Variants in MED27 observed in about 807,000 individuals in gnomAD.
MED27 encodes the protein mediator of RNA polymerase II transcription subunit 27.
MED27 carries 30 observed loss-of-function variants against 38.2 expected under a neutral mutation model. The ratio of observed to expected loss-of-function variants is 0.79; its 90% CI spans 0.59 to 1.07. MED27 has a LOEUF of 1.07. MED27 is among the 50% of genes least tolerant of loss of function. MED27 has a pLI of 0.00. For synonymous variants in MED27, 122 were observed against 153.5 expected (o/e 0.79, Z 1.52); for missense variants, 289 against 397.5 (o/e 0.73, Z 2.32).
chr9:131,968,791 G>C (rs1378629243), intron 3 of MED27, among the ~76,000 whole-genome samples: 1 of 152,198 alleles, frequency 6.6e-6, no homozygotes, highest in Admixed American at 6.5e-5. Flanking sequence ...AGCAGGAGGT[G>C]AGTGGTGGGC....
intron 3 of MED27, among the ~76,000 whole-genome samples, chr9:131,943,479 C>T (rs1161773274): frequency 2.0e-5 from 3 of 152,120 alleles, no homozygotes; most frequent in African/African-American, 4.8e-5. Flanking sequence ...CTCTGCAGTG[C>T]GGCGCCCCAC....
intron 4 of MED27, among the ~76,000 whole-genome samples, chr9:131,908,259 G>C (rs1222569386): frequency 3.4e-5 from 5 of 147,136 alleles, no homozygotes; most frequent in Non-Finnish European, 7.6e-5. Flanking sequence ...AGGTGGGGGG[G>C]TCAGCCCCCC....
intron 2 of MED27, among the ~76,000 whole-genome samples, chr9:132,019,094 G>C (rs374302704): frequency 8.5e-5 from 13 of 152,256 alleles, no homozygotes; most frequent in African/African-American, 2.9e-4. Flanking sequence ...CCTTCTCCAA[G>C]CACAAAGCTC....
chr9:131,907,193 C>G, intron 4 of MED27, among the ~76,000 whole-genome samples: 1 of 152,052 alleles, frequency 6.6e-6, no homozygotes, highest in East Asian at 1.9e-4. Flanking sequence ...GAATGCCTAA[C>G]GTGCTCTCCC....
chr9:132,060,862 T>A (rs563682206), intron 2 of MED27, among the ~76,000 whole-genome samples: 24 of 152,184 alleles, frequency 1.6e-4, no homozygotes, highest in African/African-American at 5.5e-4. Flanking sequence ...GGCAGGAGAA[T>A]CACTTGAACC....
At chr9:131,894,044 G>T in intron 4 of MED27, 52 bp from the exon 5 acceptor site, 1 of 1,454,292 alleles carries the variant, frequency 6.9e-7, no homozygotes, top group South Asian at 1.1e-5. Context: ...ACACAAAGTT[G>T]GGCAGGGGTG....
chr9:131,902,428 G>A (rs1479839000), intron 4 of MED27, among the ~76,000 whole-genome samples: 1 of 152,136 alleles, frequency 6.6e-6, no homozygotes, highest in Non-Finnish European at 1.5e-5. Context: ...CTGAAAGGCT[G>A]AAACTCTGGC....
chr9:131,971,812 T>G (rs1434057495), intron 3 of MED27, among the ~76,000 whole-genome samples: 1 of 152,236 alleles, frequency 6.6e-6, no homozygotes, highest in Non-Finnish European at 1.5e-5. Context: ...AGGAAAACTT[T>G]GCAGTTTTCT....
chr9:132,027,646 C>T (rs116205280), intron 2 of MED27, among the ~76,000 whole-genome samples: 2,377 of 152,270 alleles, frequency 0.016, 66 homozygotes, highest in African/African-American at 0.054. Context: ...TCGATGTAGG[C>T]GCCAAAACTC....
intron 2 of MED27, among the ~76,000 whole-genome samples, chr9:132,045,472 T>C (rs1458247499): frequency 6.7e-6 from 1 of 150,102 alleles, no homozygotes; most frequent in African/African-American, 2.5e-5. Context: ...ACCTTTTACA[T>C]GCATAATAAA....
chr9:131,986,918 C>T (rs1325102751), intron 3 of MED27, among the ~76,000 whole-genome samples: 6 of 145,770 alleles, frequency 4.1e-5, no homozygotes, highest in Non-Finnish European at 8.9e-5. Context: ...GAACTGACTT[C>T]GTTGATCCCT....
chr9:132,026,870 C>G (rs188922564), intron 2 of MED27, among the ~76,000 whole-genome samples: 80 of 152,226 alleles, frequency 5.3e-4, no homozygotes, highest in African/African-American at 1.8e-3. Context: ...GTACAACCAC[C>G]CTGTGAGGTA....
At position 132,003,125 on chromosome 9, in the gene MED27, G is replaced by A. The variant is rs905895974; in HGVS notation, c.479+11212C>T. On this transcript the variant is annotated intron_variant, in intron 3 of 7. Transcript: ENST00000292035. This position sits in a 1 kb window ranked among gnomAD's most constrained non-coding sequence, Gnocchi z 4.2. ...AAAATGGATCCAGCTTCTATGTGAT[G>A]AGCTGTACTACACAACCACCCATTT... Among the ~76,000 whole-genome samples the A allele has an allele frequency of 2.0e-5, 3 of 152,028 alleles. No individual in the cohort carries two copies. The highest frequency in any genetic ancestry group is 2.9e-5 in the Non-Finnish European group (2 of 68,014).
intron 4 of MED27, among the ~76,000 whole-genome samples, chr9:131,937,734 C>T (rs913943815): frequency 1.1e-4 from 16 of 152,142 alleles, no homozygotes; most frequent in African/African-American, 3.6e-4. Flanking sequence ...CTCTCTGGGG[C>T]CCTGTCAGGT....
intron 4 of MED27, among the ~76,000 whole-genome samples, chr9:131,935,777 G>A (rs1432784976): frequency 2.0e-5 from 3 of 151,798 alleles, no homozygotes; most frequent in Non-Finnish European, 2.9e-5. Flanking sequence ...TGAGCTCATG[G>A]GTTTATCTAA....
rs1216899580 is a variant in MED27, at chr9:132,003,859, C to A, written c.479+10478G>T. 6.6e-6 allele frequency among the ~76,000 whole-genome samples: 1 copy of A among 152,100 alleles called. No individual in the cohort carries two copies. The highest frequency in any genetic ancestry group is 1.5e-5 in the Non-Finnish European group (1 of 68,026). Reference sequence around the variant, plus strand: ...AACTTGACATGCTTCAAATGAAACCCATTAATTTTCTGTTTAAATGCAGTA... The same window carrying A: ...AACTTGACATGCTTCAAATGAAACCAATTAATTTTCTGTTTAAATGCAGTA... On this transcript the variant is annotated intron_variant, in intron 3 of 7. Transcript: ENST00000292035. This position sits in a 1 kb window ranked among gnomAD's most constrained non-coding sequence, Gnocchi z 4.2.
chr9:131,892,256 C>T (rs1163878684), intron 5 of MED27, among the ~76,000 whole-genome samples: 1 of 152,060 alleles, frequency 6.6e-6, no homozygotes, highest in African/African-American at 2.4e-5. Flanking sequence ...AAGCACCATA[C>T]CTCTGAGACT....
At position 131,862,656 on chromosome 9, in the gene MED27, T is replaced by A. The variant is rs955402956; in HGVS notation, c.801+407A>T. Among the ~76,000 whole-genome samples, 1 of 152,210 alleles carries A rather than the reference T, an allele frequency of 6.6e-6. No individual in the cohort carries two copies. Among genetic ancestry groups the A allele is most frequent in the Non-Finnish European group, 1.5e-5 (1 of 68,040 alleles). On this transcript the variant is annotated intron_variant, in intron 7 of 7. Coordinates refer to ENST00000292035, the MANE Select transcript of MED27 (RefSeq NM_004269.4). This position sits in a 1 kb window ranked among gnomAD's most constrained non-coding sequence, Gnocchi z 4.6. ...TGGAATGGCTGCTTTGGGGCTGCTA[T>A]CATCTCGAGCTCCAACTCCGAAAAT... is the stretch of plus-strand genomic sequence containing the variant.
intron 6 of MED27, among the ~76,000 whole-genome samples, chr9:131,876,892 G>A (rs1382736521): frequency 6.6e-6 from 1 of 152,180 alleles, no homozygotes; most frequent in African/African-American, 2.4e-5. Flanking sequence ...ATCTGTTTGG[G>A]ACACACTTGT....
Sources: allele counts gnomAD v4.1 joint callset (sites outside exome capture counted in the v4.1 genomes callset), GRCh38; gene constraint gnomAD v4.1.1; non-coding constraint Gnocchi (gnomAD v3.1); transcripts MANE v1.5; gene names NCBI Gene and HGNC (gene_info 2026-07-23, HGNC 2026-07-21).